CIMIP1: variants seen among roughly 807,000 people sequenced by gnomAD.
The protein encoded by CIMIP1 is low in lung cancer 1.
the CIMIP1 span, among the ~76,000 whole-genome samples, chr20:58,151,704 C>T: frequency 7.9e-5 from 12 of 152,142 alleles, 1 homozygote; most frequent in South Asian, 1.5e-3. Context: ...TGAGTCACCG[C>T]GCCTGGCCAA....
the CIMIP1 span, chr20:58,161,011 G>T: frequency 3.8e-6 from 2 of 531,856 alleles, no homozygotes; most frequent in Non-Finnish European, 6.3e-6. Flanking sequence ...CTTCCAGAAT[G>T]TTCACGTCCA....
At chr20:58,157,458 TACAC>T in the CIMIP1 span, among the ~76,000 whole-genome samples, 1 of 152,250 alleles carries the variant, frequency 6.6e-6, no homozygotes, top group African/African-American at 2.4e-5. Context: ...CTTGTGCACA[TACAC>T]ACATACTTTT....
At chr20:58,156,781 G>C in the CIMIP1 span, among the ~76,000 whole-genome samples, 1 of 152,180 alleles carries the variant, frequency 6.6e-6, no homozygotes. Context: ...TGTCATTTTG[G>C]CTGGGAGTTC....
the CIMIP1 span, among the ~76,000 whole-genome samples, chr20:58,156,724 G>A: frequency 6.6e-6 from 1 of 152,184 alleles, no homozygotes; most frequent in Admixed American, 6.5e-5. Context: ...GGCGGACATG[G>A]CTCAGATCCC....
At chr20:58,157,288 T>A in the CIMIP1 span, among the ~76,000 whole-genome samples, 4 of 152,322 alleles carry the variant, frequency 2.6e-5, no homozygotes, top group Non-Finnish European at 2.9e-5. Flanking sequence ...CCGGATATTA[T>A]CATCCTCAAA....
At chr20:58,155,798 A>G in the CIMIP1 span, among the ~76,000 whole-genome samples, 1 of 152,340 alleles carries the variant, frequency 6.6e-6, no homozygotes, top group Non-Finnish European at 1.5e-5. Flanking sequence ...TGCTCTGCAG[A>G]AGCAGAGAGA....
At chr20:58,160,581 C>G in the CIMIP1 span, 1 of 1,458,098 alleles carries the variant, frequency 6.9e-7, no homozygotes, top group Non-Finnish European at 9.2e-7. Context: ...GTCTTTTCCA[C>G]CCCTGCCTCA....
the CIMIP1 span, among the ~76,000 whole-genome samples, chr20:58,156,345 T>C: frequency 6.6e-6 from 1 of 152,020 alleles, no homozygotes; most frequent in Non-Finnish European, 1.5e-5. Context: ...AAAAGTATTC[T>C]AGGCGCAGGG....
At chr20:58,158,649 CA>C in the CIMIP1 span, among the ~76,000 whole-genome samples, 132 of 142,558 alleles carry the variant, frequency 9.3e-4, no homozygotes, top group Middle Eastern at 3.8e-3. Flanking sequence ...GACTCCGTCT[CA>C]AAAAAAAAAA....
chr20:58,151,915 T>C, the CIMIP1 span, among the ~76,000 whole-genome samples: 1 of 152,156 alleles, frequency 6.6e-6, no homozygotes, highest in African/African-American at 2.4e-5. Context: ...TATTATTGCA[T>C]CTCTTTGAAA....
chr20:58,160,874 A>G, the CIMIP1 span: 1 of 1,567,732 alleles, frequency 6.4e-7, no homozygotes, highest in Non-Finnish European at 8.6e-7. Flanking sequence ...CCAGGCACCC[A>G]GGGCCATGCC....
the CIMIP1 span, among the ~76,000 whole-genome samples, chr20:58,151,717 T>A: frequency 6.6e-6 from 1 of 151,968 alleles, no homozygotes; most frequent in Non-Finnish European, 1.5e-5. Context: ...CTGGCCAAAT[T>A]TTTTTTTAAA....
chr20:58,153,419 C>T, the CIMIP1 span: 1 of 703,598 alleles, frequency 1.4e-6, no homozygotes, highest in Non-Finnish European at 2.5e-6. Flanking sequence ...CGCTGTCTGG[C>T]TCCTCACTCC....
the CIMIP1 span, among the ~76,000 whole-genome samples, chr20:58,153,342 G>C: frequency 6.6e-5 from 10 of 152,256 alleles, no homozygotes; most frequent in Admixed American, 6.5e-4. Flanking sequence ...CAGCCAACCA[G>C]CATCTCTCTT....
the CIMIP1 span, chr20:58,151,051 C>T: frequency 0.97 from 1,539,487 of 1,592,202 alleles, 744,356 homozygotes; most frequent in East Asian, 1. Flanking sequence ...TGGGATCGGG[C>T]AACGCGGTGG....
chr20:58,155,699 G>A, the CIMIP1 span: 1 of 719,974 alleles, frequency 1.4e-6, no homozygotes, highest in African/African-American at 1.8e-5. Context: ...AGCAGTGCCA[G>A]GTGCAGAGTC....
chr20:58,155,489 C>G, the CIMIP1 span: 1 of 1,614,000 alleles, frequency 6.2e-7, no homozygotes, highest in African/African-American at 1.3e-5. Context: ...TGAAGAAGAT[C>G]TCCCCACCCC....
At chr20:58,159,668 A>G in the CIMIP1 span, among the ~76,000 whole-genome samples, 1 of 152,304 alleles carries the variant, frequency 6.6e-6, no homozygotes, top group African/African-American at 2.4e-5. Flanking sequence ...CAAGTTAGAT[A>G]AAGACTTGGA....
the CIMIP1 span, among the ~76,000 whole-genome samples, chr20:58,152,187 A>T: frequency 4.3e-4 from 66 of 152,294 alleles, 1 homozygote; most frequent in South Asian, 0.013. Context: ...TTTTTTACTA[A>T]ATCTTTATCC....
Sources: gnomAD v4.1 joint callset for allele counts (sites outside exome capture counted in the v4.1 genomes callset) on GRCh38, gnomAD v4.1.1 for gene constraint, MANE v1.5 for transcripts, NCBI Gene and HGNC (gene_info 2026-07-23, HGNC 2026-07-21) for gene names.